AHNAK: variants seen among roughly 807,000 people sequenced by gnomAD.
AHNAK encodes AHNAK nucleoprotein.
AHNAK carries 23 observed loss-of-function variants against 37.8 expected under a neutral mutation model. The ratio of observed to expected loss-of-function variants is 0.61; its 90% CI spans 0.44 to 0.86. The LOEUF is 0.86. AHNAK is among the 40% of genes least tolerant of loss of function. The pLI, the probability that AHNAK is intolerant of heterozygous loss-of-function variation, is 0.00. For synonymous variants in AHNAK, 2,481 were observed against 2,636.3 expected, an observed-to-expected ratio of 0.94 and a Z score of 1.80; for missense variants, 7,411 against 7,319.4, an observed-to-expected ratio of 1.01 and a Z score of -0.46.
intron 5 of AHNAK, among the ~76,000 whole-genome samples, chr11:62,443,275 C>CTT (rs530619642): frequency 3.0e-5 from 3 of 99,766 alleles, no homozygotes; most frequent in Non-Finnish European, 1.9e-5. Context: ...TGCACCCGGC[C>CTT]TTTTTTTTTT....
In AHNAK at chr11:62,532,132, A is replaced by C. The variant is rs1940776182; in HGVS notation, c.2285T>G (p.Phe762Cys). Residue 762 changes from phenylalanine (F) to cysteine (C), a missense_variant, in exon 5 of 5, where the codon TTC (phenylalanine) becomes TGC (cysteine). By Grantham distance (205) the Phe-to-Cys change is radical. Coordinates refer to ENST00000378024, the MANE Select transcript of AHNAK (RefSeq NM_001620.3). ...ATCCACTTCTGGGCCCTCTGCTTTG[A>C]ACCCTGGCACACTGAATTTGGGCAT... ...MKMPKFSVPG[F>C]KAEGPEVDVN... 2.5e-6 allele frequency: 4 copies of C among 1,613,116 alleles called. No individual in the cohort carries two copies. Among genetic ancestry groups the C allele is most frequent in the Non-Finnish European group, 3.4e-6 (4 of 1,179,842 alleles).
downstream of AHNAK, among the ~76,000 whole-genome samples, chr11:62,514,938 A>C (rs1458238817): frequency 6.6e-6 from 1 of 152,098 alleles, no homozygotes; most frequent in Non-Finnish European, 1.5e-5. Flanking sequence ...GAGCTATTTT[A>C]TCTCTGTTCT....
In AHNAK at chr11:62,518,410, C is replaced by A. The variant is rs1940104504; in HGVS notation, c.16007G>T (p.Gly5336Val). ...ACCGTCTCCTCCCACCTGCATTTTG[C>A]CACCGACACCACTGAGGTTGAGCCC... ...APGLNLSGVGGKMQVGGDGVK... is the reference protein window; with the variant it reads ...APGLNLSGVGVKMQVGGDGVK... Residue 5336 changes from glycine to valine, a missense_variant, in exon 5 of 5, where the codon GGC becomes GTC. Transcript: ENST00000378024. 2 of 1,614,010 alleles carry A rather than the reference C, an allele frequency of 1.2e-6. No individual in the cohort carries two copies. The highest frequency in any genetic ancestry group is 2.7e-5 in the African/African-American group (2 of 74,896).
In AHNAK at chr11:62,527,414, G is replaced by A. The variant is rs934574413; in HGVS notation, c.7003C>T (p.Pro2335Ser). The A allele has an allele frequency of 3.1e-6, 5 of 1,614,056 alleles. No individual in the cohort carries two copies. The highest frequency in any genetic ancestry group is 1.7e-5 in the Admixed American group (1 of 60,004). ...KIKGDVDVSA[P>S]KLEGELKGPE... is the part of the protein sequence containing the mutation. ...CCTTTTAACTCTCCCTCCAGCTTTG[G>A]GGCAGAAACATCAACATCTCCTTTG... Residue 2335 changes from proline (P) to serine (S), a missense_variant, in exon 5 of 5, where the codon CCA (proline) becomes TCA (serine). Coordinates refer to ENST00000378024, the MANE Select transcript of AHNAK (RefSeq NM_001620.3).
intron 1 of AHNAK, among the ~76,000 whole-genome samples, chr11:62,546,431 G>A (rs888876524): frequency 6.6e-6 from 1 of 152,248 alleles, no homozygotes; most frequent in Non-Finnish European, 1.5e-5. Flanking sequence ...GCACTTCGGA[G>A]CGATTTTCCA....
At chr11:62,486,038 A>AG (rs1292261044) in intron 5 of AHNAK, among the ~76,000 whole-genome samples, 6 of 150,514 alleles carry the variant, frequency 4.0e-5, no homozygotes, top group East Asian at 1.9e-4. Flanking sequence ...AAAAAAAAAA[A>AG]AGAGAGAGAG....
Position 62,499,385 on chromosome 11 carries a change from C to A in AHNAK, c.343-7554G>T, listed in dbSNP as rs143928930. Among the ~76,000 whole-genome samples, 106 of 152,180 alleles carry A rather than the reference C, an allele frequency of 7.0e-4. 1 individual carries two copies. The East Asian group carries it at 0.018, about 25-fold the overall frequency. Reference sequence around the variant, plus strand: ...CCAACATGGCGAAACCCAGTCTCTACTAAAAATACAAAAAAATTAACTGGG... The same window carrying A: ...CCAACATGGCGAAACCCAGTCTCTAATAAAAATACAAAAAAATTAACTGGG... On this transcript the variant is annotated intron_variant, in intron 4 of 5. Coordinates refer to the AHNAK transcript ENST00000257247.
intron 5 of AHNAK, among the ~76,000 whole-genome samples, chr11:62,479,813 T>C (rs969828185): frequency 3.3e-5 from 5 of 152,206 alleles, no homozygotes; most frequent in Non-Finnish European, 4.4e-5. Flanking sequence ...CTGCATGCAA[T>C]CTTGTCCTTT....
At position 62,449,524 on chromosome 11, in the gene AHNAK, A is replaced by G. The variant is rs147076994; in HGVS notation, c.443-15633T>C. On this transcript the variant is annotated intron_variant, in intron 5 of 5. Coordinates refer to the AHNAK transcript ENST00000257247. ...GAGAGAACCAGGTGCCCAGCTTATA[A>G]CCACAGCAACCGGGGAGAGCAGGGG... Among the ~76,000 whole-genome samples the G allele has an allele frequency of 5.1e-4, 78 of 152,222 alleles. 1 individual carries two copies. The highest frequency in any genetic ancestry group is 1.8e-3 in the African/African-American group (75 of 41,544).
Position 62,523,637 on chromosome 11 carries a change from G to A in AHNAK, c.10780C>T (p.His3594Tyr), listed in dbSNP as rs151322921. 6.2e-7 allele frequency: 1 copy of A among 1,614,012 alleles called. No individual in the cohort carries two copies. Among genetic ancestry groups the A allele is most frequent in the Non-Finnish European group, 8.5e-7 (1 of 1,180,032 alleles). Reference protein sequence around the residue: ...VDINAPDVDVHGPDWHLKMPK... With the variant: ...VDINAPDVDVYGPDWHLKMPK... The stretch of plus-strand genomic sequence containing the variant: ...ATCTTCAGATGCCAGTCTGGACCAT[G>A]AACATCCACATCTGGGGCATTGATG... The change falls in exon 5 of 5, where the codon CAT becomes TAT. Residue 3594 changes from histidine to tyrosine, a missense_variant. His to Tyr is a moderately conservative substitution (Grantham distance 83). Transcript: ENST00000378024.
chr11:62,504,105 G>A (rs1401790053), intron 4 of AHNAK, among the ~76,000 whole-genome samples: 1 of 151,854 alleles, frequency 6.6e-6, no homozygotes, highest in East Asian at 1.9e-4. Context: ...AGGTTGCAGT[G>A]AGCCAAGATC....
chr11:62,500,067 G>T (rs1020385339), intron 4 of AHNAK, among the ~76,000 whole-genome samples: 8 of 152,176 alleles, frequency 5.3e-5, no homozygotes, highest in African/African-American at 1.9e-4. Context: ...TAGAGAAGAG[G>T]GCAGGTGAAA....
intron 5 of AHNAK, among the ~76,000 whole-genome samples, chr11:62,466,544 C>G (rs1938916947): frequency 6.7e-6 from 1 of 150,246 alleles, no homozygotes; most frequent in South Asian, 2.1e-4. Flanking sequence ...GGCCATTTAG[C>G]CAGCTGTCAA....
chr11:62,490,197 C>CA (rs1939478813), intron 5 of AHNAK, among the ~76,000 whole-genome samples: 2 of 115,932 alleles, frequency 1.7e-5, no homozygotes, highest in Non-Finnish European at 3.6e-5. Flanking sequence ...TTTTCTTTTT[C>CA]TTTTTTTTTT....
intron 1 of AHNAK, chr11:62,546,061 A>T (rs1464272938): frequency 6.5e-6 from 1 of 152,752 alleles, no homozygotes; most frequent in Non-Finnish European, 1.5e-5. Context: ...GGAGCGGGGA[A>T]CGCGGAGAGG....
chr11:62,489,761 G>A (rs1939466276), intron 5 of AHNAK, among the ~76,000 whole-genome samples: 1 of 152,082 alleles, frequency 6.6e-6, no homozygotes, highest in Non-Finnish European at 1.5e-5. Context: ...GTTGCCCGGA[G>A]AGAGAGTCCC....
chr11:62,535,227 A>G (rs1469031982), intron 3 of AHNAK, 37 bp from the exon 4 acceptor site: 1 of 1,584,758 alleles, frequency 6.3e-7, no homozygotes, highest in African/African-American at 1.3e-5. Context: ...TAAGGCCCAA[A>G]GAGCCTCAGG....
At position 62,523,990 on chromosome 11, in the gene AHNAK, T is replaced by C; in HGVS notation, c.10427A>G (p.Lys3476Arg). The change falls in exon 5 of 5, where the codon AAG becomes AGG. Residue 3476 changes from lysine (K) to arginine (R), a missense_variant. Physicochemically the swap from Lys to Arg is conservative, Grantham distance 26. Transcript: ENST00000378024. ...CACACTGAATTTGGGCATTTTCATC[T>C]TGGGCATTTTCAGATTCCAGTCTGG... ...HGPDWNLKMP[K>R]MKMPKFSVSG... 6.2e-7 allele frequency: 1 copy of C among 1,614,162 alleles called. No individual in the cohort carries two copies. The highest frequency in any genetic ancestry group is 8.5e-7 in the Non-Finnish European group (1 of 1,180,036).
At chr11:62,537,356 A>G (rs1940983048) in intron 1 of AHNAK, 1 of 152,334 alleles carries the variant, frequency 6.6e-6, no homozygotes. Flanking sequence ...TCCTGGGCTC[A>G]AGTGATCCTC....
Sources: allele counts gnomAD v4.1 joint callset (sites outside exome capture counted in the v4.1 genomes callset), GRCh38; gene constraint gnomAD v4.1.1; transcripts MANE v1.5; gene names NCBI Gene and HGNC (gene_info 2026-07-23, HGNC 2026-07-21).